The following SCPEP1 variants were observed in gnomAD, a reference collection of about 807,000 sequenced individuals.
The protein encoded by SCPEP1 is retinoid-inducible serine carboxypeptidase.
A neutral mutation model predicts 63.8 loss-of-function variants in SCPEP1; 51 were observed. The ratio of observed to expected loss-of-function variants is 0.80; its 90% CI spans 0.64 to 1.01. The LOEUF is 1.01. SCPEP1 is among the 50% of genes least tolerant of loss of function. The pLI, the probability that SCPEP1 is intolerant of heterozygous loss-of-function variation, is 0.00. For synonymous variants in SCPEP1, 204 were observed against 207.8 expected, an observed-to-expected ratio of 0.98 and a Z score of 0.16; for missense variants, 499 against 554.9, an observed-to-expected ratio of 0.90 and a Z score of 1.01.
intron 1 of SCPEP1, among the ~76,000 whole-genome samples, chr17:56,979,879 C>T (rs79828305): frequency 0.012 from 1,806 of 152,136 alleles, 38 homozygotes; most frequent in African/African-American, 0.042. Flanking sequence ...ATTCTTTCCT[C>T]ATCCAGACAT....
chr17:57,005,318 C>T (rs965056763), intron 12 of SCPEP1, among the ~76,000 whole-genome samples: 5 of 152,206 alleles, frequency 3.3e-5, no homozygotes, highest in Admixed American at 3.3e-4. Context: ...GCTCTGTATA[C>T]TAGAGTTCAG....
At chr17:56,988,405 C>T (rs975497216) in intron 5 of SCPEP1, 115 bp downstream of exon 5, 28 of 680,044 alleles carry the variant, frequency 4.1e-5, no homozygotes, top group Admixed American at 8.6e-5. Flanking sequence ...ATGCAGAGTA[C>T]GATTAAATCT....
chr17:56,982,498 A>C (rs998599648), intron 2 of SCPEP1, among the ~76,000 whole-genome samples: 1 of 152,200 alleles, frequency 6.6e-6, no homozygotes, highest in Admixed American at 6.5e-5. Context: ...ATGCAGAAAA[A>C]GAACCCTTGT....
At chr17:56,978,789 C>T (rs975228207) in intron 1 of SCPEP1, among the ~76,000 whole-genome samples, 2 of 152,200 alleles carry the variant, frequency 1.3e-5, no homozygotes, top group African/African-American at 4.8e-5. Context: ...TAGTCTGAAG[C>T]AAGCACTGAG....
intron 2 of SCPEP1, 116 bp from the exon 3 acceptor site, chr17:56,985,262 T>C: frequency 4.0e-6 from 3 of 753,694 alleles, no homozygotes; most frequent in Non-Finnish European, 4.6e-6. Context: ...TTGTGTCTTT[T>C]GTGCAAATTG....
At chr17:56,998,532 C>T in intron 10 of SCPEP1, 34 bp downstream of exon 10, 1 of 1,504,282 alleles carries the variant, frequency 6.6e-7, no homozygotes, top group Non-Finnish European at 9.3e-7. Context: ...GCCGTTTGTA[C>T]AGTTATGGGG....
intron 1 of SCPEP1, 148 bp downstream of exon 1, chr17:56,978,383 T>C (rs1448899655): frequency 1.1e-6 from 1 of 913,406 alleles, no homozygotes; most frequent in Non-Finnish European, 1.5e-6. Context: ...TCTCACTCTT[T>C]TTTTTTTTTT....
chr17:56,997,267 G>C (rs964135212), intron 9 of SCPEP1: 1 of 402,892 alleles, frequency 2.5e-6, no homozygotes, highest in Non-Finnish European at 4.4e-6. Context: ...GAGATCCCAC[G>C]TGTCTGCTTG....
At chr17:56,989,688 T>A (rs1911336076) in intron 5 of SCPEP1, among the ~76,000 whole-genome samples, 2 of 152,242 alleles carry the variant, frequency 1.3e-5, no homozygotes, top group Admixed American at 1.3e-4. Context: ...GGCTCATGCC[T>A]GTAATCCCAG....
chr17:56,987,929 C>T, intron 4 of SCPEP1, 79 bp downstream of exon 4: 1 of 1,477,704 alleles, frequency 6.8e-7, no homozygotes, highest in East Asian at 2.3e-5. Context: ...CCTGAACTGC[C>T]TCCAGAGTTT....
At chr17:56,978,748 C>T (rs376840347) in intron 1 of SCPEP1, among the ~76,000 whole-genome samples, 3 of 152,178 alleles carry the variant, frequency 2.0e-5, no homozygotes, top group Non-Finnish European at 4.4e-5. Context: ...AATAGGATGA[C>T]TTGCAAATTG....
Position 57,001,707 on chromosome 17 carries a change from G to C in SCPEP1, c.1133-311G>C, listed in dbSNP as rs547682984. Among the ~76,000 whole-genome samples, 65 of 152,310 alleles carry C rather than the reference G, an allele frequency of 4.3e-4. No homozygotes were observed. The South Asian group carries it at 4.6e-3, about 11-fold the overall frequency. On this transcript the variant is annotated intron_variant, in intron 11 of 12. Transcript: ENST00000262288. ...ACGACATCTCTCAGTCCTCCTCACAGGCCTGTCTGCCTCCAGAGGTCCCCA... is the reference window on the plus strand; with the variant it reads ...ACGACATCTCTCAGTCCTCCTCACACGCCTGTCTGCCTCCAGAGGTCCCCA...
At position 56,995,646 on chromosome 17, in the gene SCPEP1, G is replaced by A. The variant is rs1567867860; in HGVS notation, c.786+11G>A. 6.2e-7 allele frequency: 1 copy of A among 1,613,108 alleles called. No individual in the cohort carries two copies. On this transcript the variant is annotated intron_variant, in intron 8 of 12. Coordinates refer to ENST00000262288, the MANE Select transcript of SCPEP1 (RefSeq NM_021626.3). The stretch of plus-strand genomic sequence containing the variant: ...ATGATCATTGAACAGGTAAAAAGGG[G>A]AAACACTCAGAGGCGAGCCTGCTTG...
At chr17:56,991,316 TAG>T in intron 6 of SCPEP1, 145 bp downstream of exon 6, 1 of 718,824 alleles carries the variant, frequency 1.4e-6, no homozygotes, top group Non-Finnish European at 2.5e-6. Flanking sequence ...CCAAGAAATA[TAG>T]AGACAGAGTG....
chr17:57,001,026 G>A (rs933615283), intron 11 of SCPEP1, 34 bp downstream of exon 11: 1 of 1,612,042 alleles, frequency 6.2e-7, no homozygotes, highest in Admixed American at 1.7e-5. Context: ...CCTAGAGGCA[G>A]TTTTATGGGT....
Position 56,981,378 on chromosome 17 carries a change from G to A in SCPEP1, c.225+148G>A, listed in dbSNP as rs955031675. ...GGGGTTCGGCGTGCTTCTGAGGTAG[G>A]CTGAGGCAATGGTATAGCCAAGGAG... On this transcript the variant is annotated intron_variant, in intron 2 of 12. Transcript: ENST00000262288. 2.0e-5 allele frequency: 16 copies of A among 789,556 alleles called. No homozygotes were observed. The African/African-American group carries it at 2.8e-4, about 14-fold the overall frequency. 48.9% of individuals were successfully genotyped at this position (789,556 alleles called of 1,614,324 possible). A position where few individuals can be genotyped will look rare whatever the true frequency, so the allele number is the denominator to read the frequency against.
intron 5 of SCPEP1, among the ~76,000 whole-genome samples, chr17:56,989,286 G>A (rs896069011): frequency 6.6e-6 from 1 of 152,140 alleles, no homozygotes; most frequent in Non-Finnish European, 1.5e-5. Context: ...TTAGACATAA[G>A]AAAAATCTTC....
intron 1 of SCPEP1, among the ~76,000 whole-genome samples, chr17:56,979,442 C>T (rs1473447983): frequency 6.6e-6 from 1 of 152,010 alleles, no homozygotes; most frequent in Admixed American, 6.6e-5. Context: ...GGGGATCCCC[C>T]CCATCATCTT....
Position 57,001,076 on chromosome 17 carries a change from C to T in SCPEP1, c.1132+84C>T, listed in dbSNP as rs1052038649. The T allele has an allele frequency of 3.5e-5, 50 of 1,428,298 alleles. No homozygotes were observed. In the East Asian group the frequency reaches 6.0e-4, roughly 17 times the overall value. The allele number at this position is 1,428,298 out of a possible 1,614,324, so 88.5% of individuals were successfully genotyped here. Reference sequence around the variant, plus strand: ...ACTGGCCTTGGACATGTCAGTCTTGCGGTGGGTGATGTTGAAATGCCAGGT... The same window carrying T: ...ACTGGCCTTGGACATGTCAGTCTTGTGGTGGGTGATGTTGAAATGCCAGGT... On this transcript the variant is annotated intron_variant, in intron 11 of 12. Transcript: ENST00000262288.
Sources: gnomAD v4.1 joint callset for allele counts (sites outside exome capture counted in the v4.1 genomes callset) on GRCh38, gnomAD v4.1.1 for gene constraint, MANE v1.5 for transcripts, NCBI Gene and HGNC (gene_info 2026-07-23, HGNC 2026-07-21) for gene names.